The following MDN1 variants were observed in gnomAD, a reference collection of about 807,000 sequenced individuals.
The protein encoded by MDN1 is midasin AAA ATPase 1, also known as midasin.
Under a neutral mutation model 669.2 loss-of-function variants are expected in MDN1, and 266 were observed. The ratio of observed to expected loss-of-function variants is 0.40; its 90% CI spans 0.36 to 0.44. The LOEUF is 0.44. Among genes scored for constraint, MDN1 ranks in the 20% least tolerant of loss-of-function variants. The pLI, the probability that MDN1 is intolerant of heterozygous loss-of-function variation, is 1.00. For missense variants in MDN1, 5,940 were observed against 6,754.0 expected (o/e 0.88, Z 4.22); for synonymous variants, 2,385 against 2,457.1 (o/e 0.97, Z 0.87).
At chr6:89,666,150 T>C (rs1810204300) in intron 84 of MDN1, among the ~76,000 whole-genome samples, 1 of 152,252 alleles carries the variant, frequency 6.6e-6, no homozygotes, top group Non-Finnish European at 1.5e-5. Context: ...GACTTTTTTC[T>C]ATGAATACAC....
Position 89,725,296 on chromosome 6 carries a change from T to A in MDN1, c.5573A>T (p.Gln1858Leu). The change falls in exon 38 of 102, where the codon CAG becomes CTG. Residue 1858 changes from glutamine to leucine, a missense_variant. Gln to Leu is a moderately radical substitution (Grantham distance 113). Coordinates refer to ENST00000369393, the MANE Select transcript of MDN1 (RefSeq NM_014611.3). ...VPELGMSFQV[Q>L]HEKTKIFGCQ... ...CCCAAAAATCTTCGTCTTTTCATGC[T>A]GCACTTGAAAGCTCATTCCTAACTC... 1 of 1,614,028 alleles carries A rather than the reference T, an allele frequency of 6.2e-7. No individual in the cohort carries two copies.
rs1224833560 is a variant in MDN1 at position 89,688,726 on chromosome 6, G to A, written c.11106C>T (p.Pro3702=). 4 of 1,614,212 alleles carry A rather than the reference G, an allele frequency of 2.5e-6. No homozygotes were observed. In the South Asian group the frequency reaches 3.3e-5, roughly 13 times the overall value. Reference sequence around the variant, plus strand: ...CATCAGGTTTCACCATCAGGTCTGAGGGTGCCTCCCCAAAAAGAGTGTTAT... The same window carrying A: ...CATCAGGTTTCACCATCAGGTCTGAAGGTGCCTCCCCAAAAAGAGTGTTAT... ...LSHNTLFGEA[P]SDLMVKPDGP... The change falls in exon 66 of 102, where the codon CCC becomes CCT. Residue 3702 remains proline (P), a synonymous_variant. Transcript: ENST00000369393.
rs549352636 is a variant in MDN1, at chr6:89,780,795, C to T, written c.1644-502G>A. The stretch of plus-strand genomic sequence containing the variant: ...AGCTGGGATTACAGGCACCTGCCAC[C>T]GTGCCTGGCTAATTTTTGTATTTTT... On this transcript the variant is annotated intron_variant, in intron 10 of 101. Coordinates refer to ENST00000369393, the MANE Select transcript of MDN1 (RefSeq NM_014611.3). 2.4e-3 allele frequency among the ~76,000 whole-genome samples: 347 copies of T among 145,810 alleles called. 1 individual carries two copies. Among genetic ancestry groups the T allele is most frequent in the African/African-American group, 8.5e-3 (333 of 39,044 alleles).
At chr6:89,795,695 C>A (rs575994110) in intron 2 of MDN1, among the ~76,000 whole-genome samples, 1 of 151,620 alleles carries the variant, frequency 6.6e-6, no homozygotes, top group Non-Finnish European at 1.5e-5. Context: ...GGCTCACACC[C>A]GTAATCCCAG....
chr6:89,669,217 A>C (rs182282278), intron 83 of MDN1, among the ~76,000 whole-genome samples: 7 of 152,308 alleles, frequency 4.6e-5, no homozygotes, highest in Admixed American at 3.3e-4. Context: ...GCTACGGTAC[A>C]AATGGACAAA....
In MDN1 at chr6:89,642,608, A is replaced by G. The variant is rs749401863; in HGVS notation, c.*1397T>C. ...TATTATAGCTCAGCCTACCATGGAC[A>G]TAAATGCAAATGATAACCTTTGTAG... On this transcript the variant is annotated 3_prime_UTR_variant, in exon 102 of 102. Transcript: ENST00000369393. 10 of 152,238 alleles carry G rather than the reference A, an allele frequency of 6.6e-5. No homozygotes were observed. The highest frequency in any genetic ancestry group is 1.3e-4 in the Non-Finnish European group (9 of 68,050). The allele number at this position is 152,238 out of a possible 1,614,324, so 9.4% of individuals were successfully genotyped here.
intron 17 of MDN1, 72 bp downstream of exon 17, chr6:89,761,573 A>C: frequency 1.8e-6 from 2 of 1,132,498 alleles, no homozygotes; most frequent in Non-Finnish European, 2.6e-6. Flanking sequence ...AATACAAAAT[A>C]GTAACCTGCC....
intron 32 of MDN1, among the ~76,000 whole-genome samples, chr6:89,739,136 C>A (rs182708211): frequency 1.6e-3 from 237 of 152,306 alleles, no homozygotes; most frequent in African/African-American, 5.3e-3. Context: ...AGGAATAAAG[C>A]ATACGTGTGT....
At position 89,793,798 on chromosome 6, in the gene MDN1, C is replaced by G; in HGVS notation, c.819G>C (p.Val273=). The G allele has an allele frequency of 6.2e-7, 1 of 1,614,090 alleles. No homozygotes were observed. The highest frequency in any genetic ancestry group is 8.5e-7 in the Non-Finnish European group (1 of 1,179,992). Residue 273 remains valine (V), a synonymous_variant, in exon 5 of 102, where the codon GTG becomes GTC. Transcript: ENST00000369393. ...GGGCTGGCAGCTGCCCAGGCAGCACCACACCACAAACAGCTGTCACCCTAG... is the reference window on the plus strand; with the variant it reads ...GGGCTGGCAGCTGCCCAGGCAGCACGACACCACAAACAGCTGTCACCCTAG... The part of the protein sequence containing the change: ...LSPRVTAVCG[V]VLPGQLPAPG...
At chr6:89,644,949 G>T in intron 101 of MDN1, 66 bp downstream of exon 101, 1 of 1,494,972 alleles carries the variant, frequency 6.7e-7, no homozygotes, top group Non-Finnish European at 9.1e-7. Context: ...CCATATTTCA[G>T]ATTGAACAGG....
intron 40 of MDN1, among the ~76,000 whole-genome samples, chr6:89,720,187 C>G (rs1814716646): frequency 6.6e-6 from 1 of 152,198 alleles, no homozygotes; most frequent in Non-Finnish European, 1.5e-5. Flanking sequence ...GGAAAGTGTT[C>G]CTGTCACCTA....
At chr6:89,776,248 G>T (rs1471819585) in intron 12 of MDN1, among the ~76,000 whole-genome samples, 1 of 151,970 alleles carries the variant, frequency 6.6e-6, no homozygotes, top group East Asian at 2.0e-4. Flanking sequence ...GGTCACCTGA[G>T]GTCAGGAGTT....
At chr6:89,703,094 C>T (rs1813267421) in intron 53 of MDN1, among the ~76,000 whole-genome samples, 1 of 151,978 alleles carries the variant, frequency 6.6e-6, no homozygotes, top group African/African-American at 2.4e-5. Flanking sequence ...GCCACCACAC[C>T]CAGCTAATTG....
At chr6:89,682,297 T>C (rs1811664323) in intron 73 of MDN1, among the ~76,000 whole-genome samples, 1 of 152,158 alleles carries the variant, frequency 6.6e-6, no homozygotes, top group African/African-American at 2.4e-5. Flanking sequence ...TGTTCACAGG[T>C]AAAAGCACAA....
chr6:89,733,278 T>G (rs575479591), intron 33 of MDN1, among the ~76,000 whole-genome samples: 1 of 151,990 alleles, frequency 6.6e-6, no homozygotes, highest in Non-Finnish European at 1.5e-5. Context: ...TTCAGCAAAT[T>G]AGGGGGTTCA....
intron 85 of MDN1, 136 bp from the exon 86 acceptor site, chr6:89,663,103 C>T (rs1024649663): frequency 5.6e-5 from 49 of 878,900 alleles, no homozygotes; most frequent in Non-Finnish European, 6.1e-5. Flanking sequence ...ACACACCCTA[C>T]GGGCAGATGC....
At chr6:89,750,613 T>G (rs1816887722) in intron 23 of MDN1, 81 bp from the exon 24 acceptor site, 2 of 1,375,272 alleles carry the variant, frequency 1.5e-6, no homozygotes, top group Non-Finnish European at 2.0e-6. Flanking sequence ...TATTGGTTTG[T>G]TTTGTTTGAC....
chr6:89,688,531 G>T, intron 66 of MDN1, 42 bp downstream of exon 66: 1 of 1,563,832 alleles, frequency 6.4e-7, no homozygotes, highest in Non-Finnish European at 8.7e-7. Flanking sequence ...CCTCATTGCA[G>T]ACTCAGTACT....
At chr6:89,730,580 C>G in intron 35 of MDN1, 146 bp downstream of exon 35, 1 of 662,426 alleles carries the variant, frequency 1.5e-6, no homozygotes, top group Non-Finnish European at 2.5e-6. Context: ...ACCATTCACA[C>G]AATTATGGTT....
Sources: gnomAD v4.1 joint callset for allele counts (sites outside exome capture counted in the v4.1 genomes callset) on GRCh38, gnomAD v4.1.1 for gene constraint, MANE v1.5 for transcripts, NCBI Gene and HGNC (gene_info 2026-07-23, HGNC 2026-07-21) for gene names.